CADPS: variants seen among roughly 807,000 people sequenced by gnomAD.
CADPS encodes calcium dependent secretion activator.
In CADPS, 57 loss-of-function variants were observed where a neutral mutation model predicts 167.3. The observed-to-expected ratio is 0.34, with a 90% CI of 0.28 to 0.42. The LOEUF is 0.42. Among genes scored for constraint, CADPS ranks in the 20% least tolerant of loss-of-function variants. The pLI, the probability that CADPS is intolerant of heterozygous loss-of-function variation, is 1.00. For synonymous variants in CADPS, 676 were observed against 635.3 expected (o/e 1.06, Z -0.96); for missense variants, 1,414 against 1,738.1 (o/e 0.81, Z 3.32).
At chr3:62,857,543 A>T (rs1003620356) in intron 1 of CADPS, among the ~76,000 whole-genome samples, 1 of 152,086 alleles carries the variant, frequency 6.6e-6, no homozygotes, top group African/African-American at 2.4e-5. Flanking sequence ...ATTTAGAAGA[A>T]TGACATGGTT....
At chr3:62,776,607 T>C (rs901673561) in intron 1 of CADPS, among the ~76,000 whole-genome samples, 6 of 151,984 alleles carry the variant, frequency 3.9e-5, no homozygotes, top group Non-Finnish European at 7.4e-5. Context: ...TGAGTGGAGA[T>C]TGCGCCACTG....
intron 3 of CADPS, among the ~76,000 whole-genome samples, chr3:62,695,959 A>G (rs192615432): frequency 6.6e-6 from 1 of 152,186 alleles, no homozygotes; most frequent in African/African-American, 2.4e-5. Context: ...TTTATTCTGA[A>G]CGCTCCCACG....
chr3:62,675,048 GC>G (rs947319513), intron 3 of CADPS, among the ~76,000 whole-genome samples: 1 of 152,034 alleles, frequency 6.6e-6, no homozygotes, highest in Non-Finnish European at 1.5e-5. Flanking sequence ...TTTATTTCTT[GC>G]TTACTCTACT....
chr3:62,748,058 C>T (rs2081867042), intron 3 of CADPS, among the ~76,000 whole-genome samples: 1 of 151,044 alleles, frequency 6.6e-6, no homozygotes, highest in Non-Finnish European at 1.5e-5. Context: ...TGGCGGCTTA[C>T]ACCTGTAATC....
chr3:62,550,915 A>ATG (rs761129228), intron 10 of CADPS: 14 of 456,432 alleles, frequency 3.1e-5, no homozygotes, highest in Non-Finnish European at 5.7e-5. Context: ...GGAAACCCTG[A>ATG]CTTTCCTCCT....
chr3:62,685,913 CCT>C (rs1457777800), intron 3 of CADPS, among the ~76,000 whole-genome samples: 1 of 151,894 alleles, frequency 6.6e-6, no homozygotes, highest in Non-Finnish European at 1.5e-5. Context: ...GTTAGGGACC[CCT>C]GTTTTATAGC....
intron 1 of CADPS, among the ~76,000 whole-genome samples, chr3:62,824,517 C>G (rs975671743): frequency 6.6e-6 from 1 of 152,002 alleles, no homozygotes; most frequent in African/African-American, 2.4e-5. Flanking sequence ...CATGCAGTGT[C>G]AAGAAATTTA....
At chr3:62,755,984 C>T (rs1259352341) in intron 2 of CADPS, among the ~76,000 whole-genome samples, 1 of 152,028 alleles carries the variant, frequency 6.6e-6, no homozygotes, top group Non-Finnish European at 1.5e-5. Flanking sequence ...CAGGCCAGGT[C>T]TGCCTCTAAC....
intron 27 of CADPS, among the ~76,000 whole-genome samples, chr3:62,443,525 G>T (rs1284773596): frequency 6.6e-6 from 1 of 152,094 alleles, no homozygotes; most frequent in Admixed American, 6.6e-5. Flanking sequence ...CAATCCCCAA[G>T]TATCATGGGA....
intron 3 of CADPS, among the ~76,000 whole-genome samples, chr3:62,665,259 T>G (rs1314334859): frequency 6.6e-6 from 1 of 152,248 alleles, no homozygotes; most frequent in South Asian, 2.1e-4. Context: ...GGAGAAATTC[T>G]AGAGTAAATA....
chr3:62,687,536 G>C (rs2078269386), intron 3 of CADPS, among the ~76,000 whole-genome samples: 1 of 151,992 alleles, frequency 6.6e-6, no homozygotes, highest in South Asian at 2.1e-4. Context: ...TAATCAGAAA[G>C]GGAAGGTTGT....
chr3:62,618,958 A>G (rs2062754989), intron 6 of CADPS, among the ~76,000 whole-genome samples: 1 of 152,218 alleles, frequency 6.6e-6, no homozygotes, highest in Admixed American at 6.5e-5. Context: ...TTAATTAGGT[A>G]TTGATGACTA....
At chr3:62,624,802 G>A (rs537139928) in intron 6 of CADPS, among the ~76,000 whole-genome samples, 8 of 151,960 alleles carry the variant, frequency 5.3e-5, no homozygotes, top group African/African-American at 1.9e-4. Flanking sequence ...GTAGATCAGG[G>A]TTATCCTTTC....
At chr3:62,491,605 C>T (rs1455534145) in intron 20 of CADPS, 125 bp from the exon 21 acceptor site, 2 of 768,440 alleles carry the variant, frequency 2.6e-6, no homozygotes, top group African/African-American at 1.8e-5. Context: ...TTGTCTTCTA[C>T]ATTAAATATA....
intron 6 of CADPS, among the ~76,000 whole-genome samples, chr3:62,623,475 A>G (rs1416454428): frequency 6.6e-6 from 1 of 152,198 alleles, no homozygotes; most frequent in Non-Finnish European, 1.5e-5. Context: ...CATTAAAATC[A>G]AGTCCTATCC....
chr3:62,657,640 G>C (rs1010086862), intron 4 of CADPS, among the ~76,000 whole-genome samples: 1 of 152,070 alleles, frequency 6.6e-6, no homozygotes, highest in African/African-American at 2.4e-5. Flanking sequence ...TTTCTTTCTG[G>C]AACTTTTAAG....
At chr3:62,673,820 T>C (rs1256449670) in intron 3 of CADPS, among the ~76,000 whole-genome samples, 3 of 152,142 alleles carry the variant, frequency 2.0e-5, no homozygotes, top group Non-Finnish European at 2.9e-5. Context: ...ATAAACATTA[T>C]GGGAAATGAA....
At chr3:62,494,815 TTTG>T (rs1335650794) in intron 18 of CADPS, among the ~76,000 whole-genome samples, 3 of 150,246 alleles carry the variant, frequency 2.0e-5, no homozygotes, top group African/African-American at 7.5e-5. Flanking sequence ...CTAATTTTTT[TTTG>T]TTGTTTGTTT....
intron 28 of CADPS, among the ~76,000 whole-genome samples, chr3:62,409,010 A>G (rs1331372024): frequency 6.6e-6 from 1 of 152,250 alleles, no homozygotes; most frequent in African/African-American, 2.4e-5. Context: ...TTGCCTACTC[A>G]TTGAACATGG....
Sources: gnomAD v4.1 joint callset for allele counts (sites outside exome capture counted in the v4.1 genomes callset) on GRCh38, gnomAD v4.1.1 for gene constraint, MANE v1.5 for transcripts, NCBI Gene and HGNC (gene_info 2026-07-23, HGNC 2026-07-21) for gene names.